Variants in ECE1 observed in about 807,000 individuals in gnomAD.
ECE1 encodes the protein endothelin-converting enzyme 1.
Under a neutral mutation model 98.6 loss-of-function variants are expected in ECE1, and 35 were observed. That is an observed-to-expected ratio of 0.35 (90% CI 0.27 to 0.47). The LOEUF (loss-of-function observed/expected upper bound fraction) is 0.47, where lower values mean the gene tolerates loss of function less well. Ranked by LOEUF, ECE1 falls within the 20% of genes least tolerant of loss-of-function variation. ECE1 has a pLI of 1.00. For missense variants in ECE1, 814 were observed against 1,025.3 expected (o/e 0.79, Z 2.81); for synonymous variants, 394 against 407.1 (o/e 0.97, Z 0.39).
At chr1:21,243,215 A>G (rs1465449683) in intron 10 of ECE1, among the ~76,000 whole-genome samples, 2 of 152,112 alleles carry the variant, frequency 1.3e-5, no homozygotes, top group Non-Finnish European at 2.9e-5. Context: ...ATGGAAGAGG[A>G]TAACAGCGGT....
intron 17 of ECE1, among the ~76,000 whole-genome samples, chr1:21,223,941 T>C (rs2098170580): frequency 6.6e-6 from 1 of 152,186 alleles, no homozygotes; most frequent in African/African-American, 2.4e-5. Context: ...CATTCCTCTA[T>C]TTTAAAACCC....
chr1:21,328,780 AAAAAAAG>A (rs1424339227), intron 1 of ECE1, among the ~76,000 whole-genome samples: 3 of 151,698 alleles, frequency 2.0e-5, no homozygotes, highest in Admixed American at 2.0e-4. Flanking sequence ...AAAAAAAAAA[AAAAAAAG>A]AATCTCTGTG....
intron 14 of ECE1, among the ~76,000 whole-genome samples, chr1:21,232,281 G>A (rs1205132668): frequency 1.3e-5 from 2 of 151,864 alleles, no homozygotes; most frequent in African/African-American, 4.8e-5. Flanking sequence ...ATTTTTTTGA[G>A]GAGACAGTTT....
In ECE1 at chr1:21,227,984, A is replaced by C; in HGVS notation, c.1728T>G (p.Ile576Met). 1 of 1,562,984 alleles carries C rather than the reference A, an allele frequency of 6.4e-7. No homozygotes were observed. Among genetic ancestry groups the C allele is most frequent in the Non-Finnish European group, 8.7e-7 (1 of 1,153,006 alleles). Residue 576 changes from isoleucine (I) to methionine (M), a missense_variant, in exon 15 of 19, where the codon ATT (isoleucine) becomes ATG (methionine). Physicochemically the swap from Ile to Met is conservative, Grantham distance 10 (BLOSUM62 1). Around this residue, in one of 3 missense-constraint regions of ECE1, gnomAD observed 452 missense variants for 567.3 expected, o/e 0.80. Transcript: ENST00000374893. ...CCTGCAGGATCCCGGCCGGAAACACAATCTCATTCTTGGTGGGCGAGTAGT... is the reference window on the plus strand; with the variant it reads ...CCTGCAGGATCCCGGCCGGAAACACCATCTCATTCTTGGTGGGCGAGTAGT... ...NAYYSPTKNE[I>M]VFPAGILQAP...
At chr1:21,304,955 G>A (rs1638565291) in intron 1 of ECE1, among the ~76,000 whole-genome samples, 3 of 152,250 alleles carry the variant, frequency 2.0e-5, no homozygotes, top group Middle Eastern at 3.4e-3. Context: ...AAATCAGCCC[G>A]GTCCCATCCT....
rs1573921092 is a variant in ECE1 at position 21,220,029 on chromosome 1, T to C, written c.2239A>G (p.Lys747Glu). The C allele has an allele frequency of 1.2e-6, 2 of 1,614,100 alleles. No individual in the cohort carries two copies. The highest frequency in any genetic ancestry group is 4.5e-5 in the East Asian group (2 of 44,876). Residue 747 changes from lysine (K) to glutamate (E), a missense_variant, in exon 19 of 19, where the codon AAG becomes GAG. Transcript: ENST00000374893. This position sits in a 1 kb window ranked among gnomAD's most constrained non-coding sequence, Gnocchi z 5.0. Reference sequence around the variant, plus strand: ...CAGCGGAAGTGTTCTGAGAACTCCTTGGAATTGGAGAGGGAGCCGATGACC... The same window carrying C: ...CAGCGGAAGTGTTCTGAGAACTCCTCGGAATTGGAGAGGGAGCCGATGACC... The part of the protein sequence containing the change: ...FRVIGSLSNS[K>E]EFSEHFRCPP...
At chr1:21,256,997 C>T (rs1313699699) in intron 7 of ECE1, among the ~76,000 whole-genome samples, 1 of 152,014 alleles carries the variant, frequency 6.6e-6, no homozygotes, top group Non-Finnish European at 1.5e-5. Flanking sequence ...CAGGTGAGGT[C>T]GCCCCAAGAG....
chr1:21,225,692 TTTC>T lies in ECE1; in HGVS notation c.1850-255_1850-253del, dbSNP rs929477358. 2.3e-5 allele frequency among the ~76,000 whole-genome samples: 3 copies of T among 129,588 alleles called. No homozygotes were observed. Among genetic ancestry groups the T allele is most frequent in the East Asian group, 2.0e-4 (1 of 5,084 alleles). 85.0% of individuals were successfully genotyped at this position (129,588 alleles called of 152,430 possible). On this transcript the variant is annotated intron_variant, in intron 16 of 18. Coordinates refer to ENST00000374893, the MANE Select transcript of ECE1 (RefSeq NM_001397.3). This position sits in a 1 kb window ranked among gnomAD's most constrained non-coding sequence, Gnocchi z 5.3. The stretch of plus-strand genomic sequence containing the variant: ...GCTCAGTGGGGCTTGCTTTGTTTTC[TTTC>T]TTTTTTTTTTTTTTTTGAGACAGTC...
At chr1:21,265,135 G>C (rs1356344382) in intron 4 of ECE1, among the ~76,000 whole-genome samples, 2 of 152,192 alleles carry the variant, frequency 1.3e-5, no homozygotes, top group African/African-American at 2.4e-5. Context: ...ATAATCCCCA[G>C]CCCCAAGCAA....
intron 1 of ECE1, among the ~76,000 whole-genome samples, chr1:21,303,608 C>T (rs1417310419): frequency 6.6e-6 from 1 of 152,196 alleles, no homozygotes; most frequent in Non-Finnish European, 1.5e-5. Context: ...CCATCTGGCC[C>T]ACAGATGTGA....
chr1:21,222,173 T>C (rs1397100026), intron 17 of ECE1: 4 of 384,316 alleles, frequency 1.0e-5, no homozygotes, highest in South Asian at 2.3e-5. Flanking sequence ...TGTGTGTGCA[T>C]GCACACACAC....
chr1:21,296,610 T>C lies in ECE1; in HGVS notation c.4-6454A>G, dbSNP rs12085775. 8.8e-3 allele frequency among the ~76,000 whole-genome samples: 1,338 copies of C among 152,362 alleles called. 24 individuals are homozygous for C. The highest frequency in any genetic ancestry group is 0.03 in the African/African-American group (1,256 of 41,580). ...CATTGCCCAGTTCTCAAGGCTCTTT[T>C]ACTCTTGTGTCTTACAATCACCATG... On this transcript the variant is annotated intron_variant, in intron 1 of 18. Coordinates refer to the ECE1 transcript ENST00000415912.
At chr1:21,247,603 T>C (rs2098205671) in intron 8 of ECE1, among the ~76,000 whole-genome samples, 2 of 152,340 alleles carry the variant, frequency 1.3e-5, no homozygotes, top group Admixed American at 6.5e-5. Context: ...AATGAGAAGA[T>C]GCAGCAGCTG....
intron 4 of ECE1, among the ~76,000 whole-genome samples, chr1:21,271,657 T>C (rs1462314357): frequency 1.3e-5 from 2 of 152,038 alleles, no homozygotes; most frequent in African/African-American, 4.8e-5. Flanking sequence ...ACAGGTGTCA[T>C]GATTTCACAC....
chr1:21,321,884 G>A (rs1454276200), intron 1 of ECE1, among the ~76,000 whole-genome samples: 1 of 152,112 alleles, frequency 6.6e-6, no homozygotes, highest in Non-Finnish European at 1.5e-5. Context: ...CCAAAGTGCT[G>A]GGATTACAGG....
intron 1 of ECE1, among the ~76,000 whole-genome samples, chr1:21,341,884 C>A (rs1449022347): frequency 6.6e-6 from 1 of 152,004 alleles, no homozygotes; most frequent in African/African-American, 2.4e-5. Context: ...GTGATCCTCT[C>A]GCCTCGCCCC....
chr1:21,227,913 G>T lies in ECE1; in HGVS notation c.1781+18C>A. The T allele has an allele frequency of 6.5e-7, 1 of 1,546,390 alleles. No individual in the cohort carries two copies. Among genetic ancestry groups the T allele is most frequent in the Non-Finnish European group, 8.8e-7 (1 of 1,142,398 alleles). ...CTGGGGGAAAAGAATTGGGGTAGGGGCCCCAGAGGCAGCCTACTTGGGTGA... is the reference window on the plus strand; with the variant it reads ...CTGGGGGAAAAGAATTGGGGTAGGGTCCCCAGAGGCAGCCTACTTGGGTGA... On this transcript the variant is annotated intron_variant, in intron 15 of 18. Coordinates refer to ENST00000374893, the MANE Select transcript of ECE1 (RefSeq NM_001397.3).
chr1:21,247,124 T>G (rs2098204778), intron 9 of ECE1, 97 bp downstream of exon 9: 1 of 1,572,714 alleles, frequency 6.4e-7, no homozygotes, highest in Admixed American at 1.7e-5. Flanking sequence ...CAGGTCCCAC[T>G]CTCCTGAGTC....
At chr1:21,316,170 G>A (rs951876333) in intron 1 of ECE1, among the ~76,000 whole-genome samples, 4 of 152,186 alleles carry the variant, frequency 2.6e-5, no homozygotes, top group African/African-American at 7.2e-5. Flanking sequence ...TGTCCTTAAG[G>A]GGTTTTTCAC....
Sources: gnomAD v4.1 joint callset for allele counts (sites outside exome capture counted in the v4.1 genomes callset) on GRCh38, gnomAD v4.1.1 for gene constraint, gnomAD v4.1.1 regional missense constraint, Gnocchi (gnomAD v3.1) non-coding constraint, MANE v1.5 for transcripts, NCBI Gene and HGNC (gene_info 2026-07-23, HGNC 2026-07-21) for gene names.